The following CCDC178 variants were observed in gnomAD, a reference collection of about 807,000 sequenced individuals.
The protein encoded by CCDC178 is coiled-coil domain containing 178, also known as coiled-coil domain-containing protein 178.
Under a neutral mutation model 117.4 loss-of-function variants are expected in CCDC178, and 126 were observed. That is an observed-to-expected ratio of 1.07 (90% CI 0.93 to 1.24). The LOEUF (loss-of-function observed/expected upper bound fraction) is 1.24, where lower values mean the gene tolerates loss of function less well. Ranked by LOEUF, CCDC178 falls within the 50% of genes most tolerant of loss-of-function variation. The probability of loss-of-function intolerance (pLI) is 0.00; values close to 1 mark genes in which losing one functional copy is unlikely to be tolerated. For synonymous variants in CCDC178, 283 were observed against 313.4 expected (o/e 0.90, Z 1.02); for missense variants, 1,030 against 986.9 (o/e 1.04, Z -0.59).
At chr18:33,227,556 G>GTGTATATA (rs1216398577) in intron 15 of CCDC178, among the ~76,000 whole-genome samples, 1 of 110,966 alleles carries the variant, frequency 9.0e-6, no homozygotes, top group Non-Finnish European at 1.8e-5. Flanking sequence ...GTGTGTGTGT[G>GTGTATATA]TATATATATA....
At chr18:33,351,239 T>C (rs1204563672) in intron 7 of CCDC178, among the ~76,000 whole-genome samples, 2 of 151,630 alleles carry the variant, frequency 1.3e-5, no homozygotes, top group African/African-American at 4.9e-5. Flanking sequence ...GTCGCCCAGG[T>C]TGGAGTGCAG....
At chr18:33,223,001 A>G (rs2059256365) in intron 18 of CCDC178, 105 bp downstream of exon 18, 7 of 804,690 alleles carry the variant, frequency 8.7e-6, no homozygotes, top group East Asian at 5.5e-5. Flanking sequence ...AGTGCAATCA[A>G]TAAGAAATGA....
rs572836739 is a variant in CCDC178 at position 33,278,860 on chromosome 18, G to C, written c.1177-11563C>G. The stretch of plus-strand genomic sequence containing the variant: ...ACAGAACCAAAGACAAAAACCACAT[G>C]ATTATCTCAATAGATGCAGAAAAGG... On this transcript the variant is annotated intron_variant, in intron 12 of 22. Transcript: ENST00000383096. 1.6e-3 allele frequency among the ~76,000 whole-genome samples: 249 copies of C among 152,198 alleles called. 1 individual carries two copies. Among genetic ancestry groups the C allele is most frequent in the African/African-American group, 5.7e-3 (235 of 41,544 alleles).
intron 20 of CCDC178, among the ~76,000 whole-genome samples, chr18:33,157,912 GAAGT>G (rs888127987): frequency 2.8e-4 from 43 of 152,102 alleles, no homozygotes; most frequent in Admixed American, 5.2e-4. Context: ...GCTACTCCTT[GAAGT>G]AAGTAATTTG....
At chr18:33,186,249 C>T (rs1031709846) in intron 20 of CCDC178, among the ~76,000 whole-genome samples, 1 of 151,948 alleles carries the variant, frequency 6.6e-6, no homozygotes, top group Non-Finnish European at 1.5e-5. Context: ...TTCTGATTTT[C>T]AATCTAATAA....
At chr18:33,116,703 T>A (rs1288721306) in intron 20 of CCDC178, among the ~76,000 whole-genome samples, 1 of 152,008 alleles carries the variant, frequency 6.6e-6, no homozygotes, top group East Asian at 1.9e-4. Context: ...TGCACTCAGG[T>A]GGCCCACTCC....
At chr18:33,252,862 T>C (rs1326705417) in intron 14 of CCDC178, among the ~76,000 whole-genome samples, 1 of 151,806 alleles carries the variant, frequency 6.6e-6, no homozygotes. Flanking sequence ...AGTTGAACAC[T>C]AGAAATAGAT....
intron 14 of CCDC178, among the ~76,000 whole-genome samples, chr18:33,266,187 A>G (rs2059811726): frequency 6.6e-6 from 1 of 152,026 alleles, no homozygotes. Flanking sequence ...TAGACAATTC[A>G]TAAGTTTTAA....
At position 33,011,767 on chromosome 18, in the gene CCDC178, C is replaced by CAAAAAAAAAAAAAA. The variant is rs71177899; in HGVS notation, c.2389-37100_2389-37087dup. ...ACGTGGCAAATGATTGAGCAGAATG[C>CAAAAAAAAAAAAAA]AAAAAAAAAAAAAAAAAAAAAAAAA... On this transcript the variant is annotated intron_variant, in intron 21 of 22. Coordinates refer to ENST00000383096, the MANE Select transcript of CCDC178 (RefSeq NM_001105528.4). 2.7e-4 allele frequency among the ~76,000 whole-genome samples: 8 copies of CAAAAAAAAAAAAAA among 30,014 alleles called. 2 individuals carry two copies. The highest frequency in any genetic ancestry group is 4.5e-4 in the Non-Finnish European group (5 of 11,132). 19.7% of individuals were successfully genotyped at this position (30,014 alleles called of 152,430 possible).
intron 21 of CCDC178, among the ~76,000 whole-genome samples, chr18:33,041,495 G>A (rs1040016215): frequency 6.6e-6 from 1 of 150,642 alleles, no homozygotes; most frequent in Non-Finnish European, 1.5e-5. Flanking sequence ...ATCAAGTGAT[G>A]TCTATTTTAG....
intron 6 of CCDC178, among the ~76,000 whole-genome samples, chr18:33,369,631 T>C (rs887041705): frequency 6.6e-6 from 1 of 151,998 alleles, no homozygotes; most frequent in African/African-American, 2.4e-5. Context: ...TATATTCCTT[T>C]TCAATAGAAC....
At position 33,440,684 on chromosome 18, in the gene CCDC178, G is replaced by T; in HGVS notation, c.-174C>A. 6.6e-6 allele frequency: 1 copy of T among 152,504 alleles called. No individual in the cohort carries two copies. Among genetic ancestry groups the T allele is most frequent in the South Asian group, 1.8e-4 (1 of 5,468 alleles). The allele number at this position is 152,504 out of a possible 1,614,324, so 9.4% of individuals were successfully genotyped here. On this transcript the variant is annotated 5_prime_UTR_variant, in exon 1 of 23. Transcript: ENST00000383096. Reference sequence around the variant, plus strand: ...CGCGCGTTTCCCCGCGCGTCTCCCGGACCCGCGCCTGCCCACCCCTCCGGC... The same window carrying T: ...CGCGCGTTTCCCCGCGCGTCTCCCGTACCCGCGCCTGCCCACCCCTCCGGC...
At chr18:33,270,283 T>C (rs963409359) in intron 12 of CCDC178, among the ~76,000 whole-genome samples, 6 of 151,268 alleles carry the variant, frequency 4.0e-5, no homozygotes, top group Non-Finnish European at 7.4e-5. Flanking sequence ...AAAGTAAAAG[T>C]AGTCAAAGAA....
intron 11 of CCDC178, among the ~76,000 whole-genome samples, chr18:33,310,000 C>G (rs2062316205): frequency 1.4e-5 from 2 of 146,878 alleles, no homozygotes; most frequent in African/African-American, 5.0e-5. Flanking sequence ...GATGGAGTCT[C>G]ACTCTGTCAC....
At chr18:33,311,523 C>T (rs1269885393) in intron 11 of CCDC178, among the ~76,000 whole-genome samples, 1 of 152,334 alleles carries the variant, frequency 6.6e-6, no homozygotes, top group East Asian at 1.9e-4. Context: ...CCTCAGTCCC[C>T]TAACCAGGAG....
At chr18:33,183,232 T>C (rs1034790560) in intron 20 of CCDC178, among the ~76,000 whole-genome samples, 1 of 152,066 alleles carries the variant, frequency 6.6e-6, no homozygotes, top group Non-Finnish European at 1.5e-5. Context: ...CTTGTATAAG[T>C]GGAAGACTTT....
intron 12 of CCDC178, among the ~76,000 whole-genome samples, chr18:33,269,022 G>A (rs1377952565): frequency 6.6e-6 from 1 of 151,802 alleles, no homozygotes; most frequent in Non-Finnish European, 1.5e-5. Flanking sequence ...ACCAGAGAGA[G>A]TAGAATCAGG....
intron 21 of CCDC178, among the ~76,000 whole-genome samples, chr18:33,044,886 G>C (rs1216585988): frequency 6.6e-6 from 1 of 152,060 alleles, no homozygotes; most frequent in Non-Finnish European, 1.5e-5. Flanking sequence ...GATGGAAATG[G>C]AGGCCATTGT....
At chr18:33,410,838 A>C (rs541074615) in intron 3 of CCDC178, among the ~76,000 whole-genome samples, 8 of 152,256 alleles carry the variant, frequency 5.3e-5, no homozygotes, top group African/African-American at 1.9e-4. Context: ...AGTTCTGCGC[A>C]TTGGCCTGAA....
Sources: gnomAD v4.1 joint callset for allele counts (sites outside exome capture counted in the v4.1 genomes callset) on GRCh38, gnomAD v4.1.1 for gene constraint, MANE v1.5 for transcripts, NCBI Gene and HGNC (gene_info 2026-07-23, HGNC 2026-07-21) for gene names.